Variants in GBP7 observed in about 807,000 individuals in gnomAD.
The protein encoded by GBP7 is guanylate-binding protein 7.
In GBP7, 43 loss-of-function variants were observed where a neutral mutation model predicts 61.3. The observed-to-expected ratio is 0.70, with a 90% CI of 0.55 to 0.91. The LOEUF is 0.91. GBP7 is among the 40% of genes least tolerant of loss of function. The probability of loss-of-function intolerance (pLI) is 0.00; values close to 1 mark genes in which losing one functional copy is unlikely to be tolerated. For synonymous variants in GBP7, 267 were observed against 271.0 expected (o/e 0.99, Z 0.14); for missense variants, 717 against 740.5 (o/e 0.97, Z 0.37).
rs141153440 is a variant in GBP7, at chr1:89,154,443, T to A, written c.319-1666A>T. Among the ~76,000 whole-genome samples the A allele has an allele frequency of 4.8e-3, 736 of 152,110 alleles. 4 individuals are homozygous for A. Among genetic ancestry groups the A allele is most frequent in the African/African-American group, 0.016 (681 of 41,482 alleles). ...AACACTACAACCTCCACCTTCTGGG[T>A]TCAAGCAATTCTTCCACCTCAGCTT... On this transcript the variant is annotated intron_variant, in intron 3 of 10. Transcript: ENST00000294671.
intron 9 of GBP7, among the ~76,000 whole-genome samples, chr1:89,137,466 T>G (rs1028419468): frequency 6.6e-6 from 1 of 152,112 alleles, no homozygotes; most frequent in Non-Finnish European, 1.5e-5. Context: ...CACTGTCAAT[T>G]AGGCTTTATT....
At chr1:89,172,946 T>C (rs1253375784) in intron 1 of GBP7, among the ~76,000 whole-genome samples, 1 of 152,178 alleles carries the variant, frequency 6.6e-6, no homozygotes, top group Non-Finnish European at 1.5e-5. Flanking sequence ...CAATGCAGAC[T>C]CAGAGATATT....
At chr1:89,174,362 C>T (rs1647684023) in intron 1 of GBP7, among the ~76,000 whole-genome samples, 1 of 151,996 alleles carries the variant, frequency 6.6e-6, no homozygotes, top group African/African-American at 2.4e-5. Context: ...GGTTGCATTC[C>T]CACCAGCTCA....
At chr1:89,149,696 C>G in intron 6 of GBP7, 124 bp from the exon 7 acceptor site, 2 of 750,470 alleles carry the variant, frequency 2.7e-6, no homozygotes, top group Non-Finnish European at 4.2e-6. Context: ...CCCTCCTTCT[C>G]CTTCTTTCAA....
intron 8 of GBP7, among the ~76,000 whole-genome samples, chr1:89,147,332 G>A (rs759746473): frequency 2.6e-5 from 4 of 152,144 alleles, no homozygotes; most frequent in African/African-American, 9.7e-5. Flanking sequence ...ATAAATAAAA[G>A]AAATGGTTTG....
At chr1:89,162,042 C>CTTTTTT (rs58355264) in intron 3 of GBP7, among the ~76,000 whole-genome samples, 1 of 144,028 alleles carries the variant, frequency 6.9e-6, no homozygotes, top group African/African-American at 2.5e-5. Flanking sequence ...TTCCCCATTG[C>CTTTTTT]TTTTTTTTTT....
At chr1:89,156,147 G>C (rs59683491) in intron 3 of GBP7, among the ~76,000 whole-genome samples, 1 of 152,204 alleles carries the variant, frequency 6.6e-6, no homozygotes, top group Admixed American at 6.5e-5. Flanking sequence ...ACAGACAAGC[G>C]AATGCTGAGA....
chr1:89,152,717 CAAAGCTGCTGCT>C lies in GBP7; in HGVS notation c.367_378del (p.Ser123_Phe126del), dbSNP rs1267303078. On this transcript the variant is annotated inframe_deletion, in exon 4 of 11. Transcript: ENST00000294671. ...TTGATGGTGCCCATGCTGTTGTAGA[CAAAGCTGCTGCT>C]TAGAAGCACAGCCAGGGCAAAGATC... The C allele has an allele frequency of 6.2e-7, 1 of 1,606,280 alleles. No individual in the cohort carries two copies. Among genetic ancestry groups the C allele is most frequent in the African/African-American group, 1.4e-5 (1 of 73,520 alleles).
intron 2 of GBP7, among the ~76,000 whole-genome samples, chr1:89,165,192 A>G (rs946721988): frequency 6.6e-6 from 1 of 152,126 alleles, no homozygotes; most frequent in Non-Finnish European, 1.5e-5. Flanking sequence ...CCAAACCCCA[A>G]GGTGATGATA....
intron 3 of GBP7, among the ~76,000 whole-genome samples, chr1:89,155,815 T>C (rs1329020615): frequency 4.6e-5 from 7 of 152,164 alleles, no homozygotes; most frequent in African/African-American, 1.7e-4. Context: ...TTCCCCAACC[T>C]AGCAAGGCAG....
intron 3 of GBP7, among the ~76,000 whole-genome samples, chr1:89,153,857 G>A (rs919994091): frequency 2.0e-5 from 3 of 152,192 alleles, no homozygotes; most frequent in African/African-American, 4.8e-5. Flanking sequence ...AGGTTGAAAC[G>A]AGCTGGACGT....
chr1:89,166,091 C>T (rs939153148), intron 2 of GBP7, among the ~76,000 whole-genome samples: 3 of 152,020 alleles, frequency 2.0e-5, no homozygotes, highest in African/African-American at 7.3e-5. Context: ...TCTAAATTAC[C>T]CTGTCTAATG....
chr1:89,163,529 T>C (rs910385874), intron 3 of GBP7, among the ~76,000 whole-genome samples: 1 of 152,122 alleles, frequency 6.6e-6, no homozygotes, highest in African/African-American at 2.4e-5. Flanking sequence ...TTGTCCATTT[T>C]GTGTAGATTG....
intron 8 of GBP7, among the ~76,000 whole-genome samples, chr1:89,144,440 T>C (rs1381040613): frequency 6.6e-6 from 1 of 152,172 alleles, no homozygotes; most frequent in Non-Finnish European, 1.5e-5. Flanking sequence ...CTATTTTTAG[T>C]TCTTTAAGAA....
At position 89,133,272 on chromosome 1, in the gene GBP7, T is replaced by G. The variant is rs778040653; in HGVS notation, c.1648A>C (p.Ser550Arg). Residue 550 changes from serine (S) to arginine (R), a missense_variant, in exon 10 of 11, where the codon AGT becomes CGT. Ser to Arg is a moderately radical substitution (Grantham distance 110, BLOSUM62 -1). This residue lies in a region of GBP7 where 312 missense variants were observed against 310.1 expected (regional missense o/e 1.01). Coordinates refer to ENST00000294671, the MANE Select transcript of GBP7 (RefSeq NM_207398.3). ...TCCAGACTCACCTTCATCTTGTGAC[T>G]CAACATCTTTCTCAGTTCTCTCATA... ...NYMRELRKML[S>R]HKMKVLEELL... The G allele has an allele frequency of 6.2e-7, 1 of 1,613,630 alleles. No individual in the cohort carries two copies. The highest frequency in any genetic ancestry group is 8.5e-7 in the Non-Finnish European group (1 of 1,179,606).
At chr1:89,141,365 G>A (rs1681944034) in intron 9 of GBP7, among the ~76,000 whole-genome samples, 181 bp downstream of exon 9, 1 of 152,176 alleles carries the variant, frequency 6.6e-6, no homozygotes, top group Non-Finnish European at 1.5e-5. Context: ...GAATGTTGTG[G>A]GAAGAAACTA....
At chr1:89,144,553 T>C (rs971507174) in intron 8 of GBP7, among the ~76,000 whole-genome samples, 4 of 152,186 alleles carry the variant, frequency 2.6e-5, no homozygotes, top group East Asian at 3.8e-4. Context: ...GTGCTATTTT[T>C]CCCTTTTTAA....
At chr1:89,137,038 C>G (rs2100635981) in intron 9 of GBP7, among the ~76,000 whole-genome samples, 1 of 152,068 alleles carries the variant, frequency 6.6e-6, no homozygotes. Flanking sequence ...ACTATGCACA[C>G]TAACTAAGAA....
intron 1 of GBP7, among the ~76,000 whole-genome samples, chr1:89,174,666 G>T (rs1557468394): frequency 1.3e-5 from 2 of 152,144 alleles, no homozygotes; most frequent in Non-Finnish European, 2.9e-5. Flanking sequence ...TGGGACTCAG[G>T]TTACCCAATG....
Sources: allele counts gnomAD v4.1 joint callset (sites outside exome capture counted in the v4.1 genomes callset), GRCh38; gene constraint gnomAD v4.1.1; regional missense constraint gnomAD v4.1.1; transcripts MANE v1.5; gene names NCBI Gene and HGNC (gene_info 2026-07-23, HGNC 2026-07-21).